SLC35F3: variants seen among roughly 807,000 people sequenced by gnomAD.
SLC35F3 encodes putative thiamine transporter SLC35F3.
SLC35F3 carries 25 observed loss-of-function variants against 49.9 expected under a neutral mutation model. The ratio of observed to expected loss-of-function variants is 0.50; its 90% CI spans 0.37 to 0.70. SLC35F3 has a LOEUF of 0.70. Among genes scored for constraint, SLC35F3 ranks in the 30% least tolerant of loss-of-function variants. The probability of loss-of-function intolerance (pLI) is 0.00; values close to 1 mark genes in which losing one functional copy is unlikely to be tolerated. For missense variants in SLC35F3, 525 were observed against 639.8 expected, an observed-to-expected ratio of 0.82 and a Z score of 1.94; for synonymous variants, 275 against 265.4, an observed-to-expected ratio of 1.04 and a Z score of -0.35.
chr1:233,919,871 G>C (rs181142631), intron 2 of SLC35F3, among the ~76,000 whole-genome samples: 6 of 152,202 alleles, frequency 3.9e-5, no homozygotes, highest in Admixed American at 1.3e-4. Flanking sequence ...GAGAAGGATG[G>C]GCTTGTGGCA....
At chr1:233,930,155 GAAAA>G (rs55771904) in intron 2 of SLC35F3, among the ~76,000 whole-genome samples, 1 of 145,898 alleles carries the variant, frequency 6.9e-6, no homozygotes, top group South Asian at 2.2e-4. Context: ...TTTCTTAAAA[GAAAA>G]AAAAAAAAGG....
chr1:233,964,490 A>T (rs889671787), intron 2 of SLC35F3, among the ~76,000 whole-genome samples: 2 of 152,240 alleles, frequency 1.3e-5, no homozygotes, highest in Admixed American at 1.3e-4. Context: ...TGTGGTGTTT[A>T]TAGAAGAATG....
At chr1:233,970,036 C>T (rs1398682422) in intron 2 of SLC35F3, among the ~76,000 whole-genome samples, 1 of 152,218 alleles carries the variant, frequency 6.6e-6, no homozygotes, top group Non-Finnish European at 1.5e-5. Context: ...TGGAAAAATA[C>T]TTCTAGTGGG....
At chr1:234,133,307 GAGACCCAC>G (rs1448145319) in intron 2 of SLC35F3, among the ~76,000 whole-genome samples, 11 of 152,146 alleles carry the variant, frequency 7.2e-5, no homozygotes, top group Non-Finnish European at 1.6e-4. Flanking sequence ...AAGTTTTTAA[GAGACCCAC>G]AGAAATGAAA....
At chr1:234,038,377 A>G (rs5004998) in intron 2 of SLC35F3, among the ~76,000 whole-genome samples, 113,043 of 147,904 alleles carry the variant, frequency 0.76, 44,186 homozygotes, top group African/African-American at 0.92. Flanking sequence ...TGGACATTTG[A>G]GTTGGTTCCA....
intron 2 of SLC35F3, among the ~76,000 whole-genome samples, chr1:234,013,036 C>A (rs1451721496): frequency 1.3e-5 from 2 of 152,194 alleles, no homozygotes; most frequent in Non-Finnish European, 2.9e-5. Flanking sequence ...AATACTCATT[C>A]TTCTCAAGCA....
chr1:234,225,532 G>T (rs950757714), intron 2 of SLC35F3, among the ~76,000 whole-genome samples: 1 of 152,150 alleles, frequency 6.6e-6, no homozygotes, highest in East Asian at 1.9e-4. Context: ...CCATTTGGAC[G>T]CAATTAGATG....
At position 234,215,290 on chromosome 1, in the gene SLC35F3, G is replaced by A. The variant is rs1667105388; in HGVS notation, c.284-16127G>A. The stretch of plus-strand genomic sequence containing the variant: ...CTGCTCCCACCCAGGAAATGTGAGC[G>A]AGAGGACAGGGGAAGAAGCAGCCCA... On this transcript the variant is annotated intron_variant, in intron 2 of 7. Transcript: ENST00000366618. Among the ~76,000 whole-genome samples the A allele has an allele frequency of 2.0e-5, 3 of 152,216 alleles. No individual in the cohort carries two copies. The South Asian group carries it at 6.2e-4, about 32-fold the overall frequency.
At chr1:234,286,549 C>A (rs16842871) in intron 3 of SLC35F3, among the ~76,000 whole-genome samples, 29,862 of 152,194 alleles carry the variant, frequency 0.2, 3,091 homozygotes, top group African/African-American at 0.23. Flanking sequence ...AAGGATATGA[C>A]AGCATTGTTC....
rs914648143 is a variant in SLC35F3, at chr1:234,278,433, T to C, written c.609-30668T>C. On this transcript the variant is annotated intron_variant, in intron 3 of 7. Transcript: ENST00000366618. Reference sequence around the variant, plus strand: ...TGAACCTGGGAGGCAGAGATTGCAGTAAGCCAAGACTGCACCACTGCACTC... The same window carrying C: ...TGAACCTGGGAGGCAGAGATTGCAGCAAGCCAAGACTGCACCACTGCACTC... Among the ~76,000 whole-genome samples, 349 of 143,038 alleles carry C rather than the reference T, an allele frequency of 2.4e-3. 4 individuals carry two copies. Among genetic ancestry groups the C allele is most frequent in the Non-Finnish European group, 4.3e-4 (29 of 66,738 alleles). 93.8% of individuals were successfully genotyped at this position (143,038 alleles called of 152,430 possible). A position where few individuals can be genotyped will look rare whatever the true frequency, so the allele number is the denominator to read the frequency against.
At chr1:234,108,225 TATATATATTTATATATATAAA>T (rs1665315249) in intron 2 of SLC35F3, among the ~76,000 whole-genome samples, 1 of 124,652 alleles carries the variant, frequency 8.0e-6, no homozygotes, top group African/African-American at 3.2e-5. Context: ...ATATAAAAGA[TATATATATTTATATATATAAA>T]AGATATATAT....
intron 2 of SLC35F3, among the ~76,000 whole-genome samples, chr1:234,172,377 C>T (rs6703828): frequency 0.24 from 36,510 of 152,052 alleles, 6,986 homozygotes; most frequent in East Asian, 0.88. Context: ...CAGGTGCGTG[C>T]CACCACGCCC....
intron 2 of SLC35F3, among the ~76,000 whole-genome samples, chr1:234,144,881 A>C (rs1665974095): frequency 6.6e-6 from 1 of 152,214 alleles, no homozygotes; most frequent in African/African-American, 2.4e-5. Flanking sequence ...TGGTCAGCCA[A>C]GAGGACAAGG....
At chr1:234,067,851 ATGG>A (rs1266902603) in intron 2 of SLC35F3, among the ~76,000 whole-genome samples, 4 of 152,212 alleles carry the variant, frequency 2.6e-5, no homozygotes, top group Non-Finnish European at 4.4e-5. Context: ...GTCATGGGTC[ATGG>A]TGGTGGTGAT....
At position 234,316,645 on chromosome 1, in the gene SLC35F3, C is replaced by A; in HGVS notation, c.872C>A (p.Thr291Asn). The A allele has an allele frequency of 2.5e-6, 4 of 1,613,436 alleles. No individual in the cohort carries two copies. The highest frequency in any genetic ancestry group is 3.4e-6 in the Non-Finnish European group (4 of 1,179,364). Residue 291 changes from threonine to asparagine, a missense_variant, in exon 5 of 8, where the codon ACC becomes AAC. Transcript: ENST00000366618. ...GCCATCGCTGGCATTGTGATGATGA[C>A]CTACGCTGATGGCTTCCACAGCCAC... ...ILAIAGIVMM[T>N]YADGFHSHSV...
intron 2 of SLC35F3, among the ~76,000 whole-genome samples, chr1:234,194,051 A>G (rs778104927): frequency 5.9e-5 from 9 of 152,212 alleles, no homozygotes; most frequent in Non-Finnish European, 1.0e-4. Context: ...TTAAAGTTTA[A>G]TAGTTAAAGA....
intron 2 of SLC35F3, among the ~76,000 whole-genome samples, chr1:234,098,746 G>C (rs566739955): frequency 6.6e-6 from 1 of 150,746 alleles, no homozygotes; most frequent in Non-Finnish European, 1.5e-5. Flanking sequence ...GGTGTTATAG[G>C]GTGATGGTGG....
At position 234,068,823 on chromosome 1, in the gene SLC35F3, T is replaced by TTTTATATATA. The variant is rs1553302354; in HGVS notation, c.284-162593_284-162592insTTATATATAT. On this transcript the variant is annotated intron_variant, in intron 2 of 7. Coordinates refer to ENST00000366618, the MANE Select transcript of SLC35F3 (RefSeq NM_173508.4). ...GAGTGACAGGATAAGATTTGAGACA[T>TTTTATATATA]TATATATATATATATATATATATAT... Among the ~76,000 whole-genome samples the TTTTATATATA allele has an allele frequency of 3.0e-4, 21 of 71,182 alleles. 1 individual carries two copies. Among genetic ancestry groups the TTTTATATATA allele is most frequent in the African/African-American group, 1.1e-3 (19 of 16,980 alleles). The allele number at this position is 71,182 out of a possible 152,430, so 46.7% of individuals were successfully genotyped here.
chr1:233,905,056 C>G lies in SLC35F3; in HGVS notation c.-22C>G, dbSNP rs565421648. On this transcript the variant is annotated 5_prime_UTR_variant, in exon 1 of 8. Coordinates refer to ENST00000366618, the MANE Select transcript of SLC35F3 (RefSeq NM_173508.4). Reference sequence around the variant, plus strand: ...CCTCCGCCTCAAGTCTGGGAGCTGCCGGTCCCACTCTGTCTTTGCCTATGG... The same window carrying G: ...CCTCCGCCTCAAGTCTGGGAGCTGCGGGTCCCACTCTGTCTTTGCCTATGG... 5 of 1,554,034 alleles carry G rather than the reference C, an allele frequency of 3.2e-6. No homozygotes were observed. Among genetic ancestry groups the G allele is most frequent in the Non-Finnish European group, 2.6e-6 (3 of 1,148,216 alleles).
Sources: gnomAD v4.1 joint callset for allele counts (sites outside exome capture counted in the v4.1 genomes callset) on GRCh38, gnomAD v4.1.1 for gene constraint, MANE v1.5 for transcripts, NCBI Gene and HGNC (gene_info 2026-07-23, HGNC 2026-07-21) for gene names.